Variants in KIAA1549L observed in about 807,000 individuals in gnomAD.
The protein encoded by KIAA1549L is UPF0606 protein KIAA1549L.
Under a neutral mutation model 160.7 loss-of-function variants are expected in KIAA1549L, and 88 were observed. That is an observed-to-expected ratio of 0.55 (90% confidence interval 0.46 to 0.65). KIAA1549L has a LOEUF of 0.65. Among genes scored for constraint, KIAA1549L ranks in the 30% least tolerant of loss-of-function variants. The pLI, the probability that KIAA1549L is intolerant of heterozygous loss-of-function variation, is 0.00. For synonymous variants in KIAA1549L, 950 were observed against 976.7 expected (o/e 0.97, Z 0.51); for missense variants, 2,258 against 2,437.5 (o/e 0.93, Z 1.55).
chr11:33,394,100 C>T (rs1227554583), intron 1 of KIAA1549L, among the ~76,000 whole-genome samples: 6 of 152,278 alleles, frequency 3.9e-5, no homozygotes, highest in East Asian at 3.9e-4. Context: ...TGGCTGGGCG[C>T]AATGGCTCAC....
At position 33,667,887 on chromosome 11, in the gene KIAA1549L, G is replaced by A; in HGVS notation, c.6174G>A (p.Gly2058=). 1 of 1,612,060 alleles carries A rather than the reference G, an allele frequency of 6.2e-7. No homozygotes were observed. Among genetic ancestry groups the A allele is most frequent in the Non-Finnish European group, 8.5e-7 (1 of 1,179,116 alleles). The stretch of plus-strand genomic sequence containing the variant: ...GCCCTCTGCAGGTGCCCCTCCCAGG[G>A]TACATCGAGGCCTACCCCCGATCAC... ...SQWADSVPLP[G]YIEAYPRSRY... Residue 2058 remains glycine (G), a synonymous_variant, in exon 21 of 21, where the codon GGG becomes GGA. Coordinates refer to ENST00000658780, the MANE Select transcript of KIAA1549L (RefSeq NM_012194.3).
At chr11:33,598,687 G>T in intron 12 of KIAA1549L, 133 bp from the exon 13 acceptor site, 2 of 1,123,898 alleles carry the variant, frequency 1.8e-6, no homozygotes, top group Admixed American at 2.6e-5. Flanking sequence ...TTCTTTTTCT[G>T]TATCGTTTCC....
intron 20 of KIAA1549L, among the ~76,000 whole-genome samples, chr11:33,661,642 G>C (rs1370953494): frequency 6.6e-6 from 1 of 152,190 alleles, no homozygotes; most frequent in Non-Finnish European, 1.5e-5. Context: ...CACTTTGGGA[G>C]GCTGAGGCGG....
intron 1 of KIAA1549L, among the ~76,000 whole-genome samples, chr11:33,431,341 C>G (rs1305585723): frequency 6.6e-6 from 1 of 152,162 alleles, no homozygotes; most frequent in Non-Finnish European, 1.5e-5. Context: ...CTGGCCCCAC[C>G]CACATCCTGC....
intron 1 of KIAA1549L, among the ~76,000 whole-genome samples, chr11:33,426,141 A>G (rs181488680): frequency 3.9e-5 from 6 of 152,324 alleles, no homozygotes; most frequent in South Asian, 2.1e-4. Context: ...AGTAGTTAAT[A>G]TAAATTTATC....
chr11:33,423,739 A>G (rs938432213), intron 1 of KIAA1549L, among the ~76,000 whole-genome samples: 1 of 152,234 alleles, frequency 6.6e-6, no homozygotes, highest in Admixed American at 6.5e-5. Context: ...GAAGAATTGT[A>G]ACAGAAGGCT....
chr11:33,561,054 A>G (rs1280885007), intron 7 of KIAA1549L, among the ~76,000 whole-genome samples: 1 of 152,226 alleles, frequency 6.6e-6, no homozygotes, highest in East Asian at 1.9e-4. Flanking sequence ...ATCCCTTTGC[A>G]TGTATCAACT....
chr11:33,522,300 TATC>T (rs1305532273), intron 1 of KIAA1549L, among the ~76,000 whole-genome samples: 2 of 152,230 alleles, frequency 1.3e-5, no homozygotes, highest in Non-Finnish European at 2.9e-5. Context: ...GAAATAGTGA[TATC>T]ATATTAATGG....
At chr11:33,638,439 A>AT (rs1564935612) in intron 16 of KIAA1549L, among the ~76,000 whole-genome samples, 1 of 21,010 alleles carries the variant, frequency 4.8e-5, no homozygotes, top group Non-Finnish European at 8.1e-5. Flanking sequence ...AAAAAAAATA[A>AT]ATAAATAAAT....
chr11:33,494,521 C>A (rs1852770031), intron 1 of KIAA1549L, among the ~76,000 whole-genome samples: 1 of 152,224 alleles, frequency 6.6e-6, no homozygotes, highest in Non-Finnish European at 1.5e-5. Context: ...TCCTTACTGG[C>A]AGCAAATGTA....
chr11:33,526,269 A>G (rs188788728), intron 1 of KIAA1549L, among the ~76,000 whole-genome samples: 16 of 152,326 alleles, frequency 1.1e-4, no homozygotes, highest in Middle Eastern at 3.4e-3. Context: ...AAAGAAGGAG[A>G]AAACAACAGC....
At chr11:33,564,226 A>G (rs1489594116) in intron 8 of KIAA1549L, among the ~76,000 whole-genome samples, 3 of 152,174 alleles carry the variant, frequency 2.0e-5, no homozygotes, top group African/African-American at 7.2e-5. Flanking sequence ...AACCTGCCCC[A>G]TAATTTACCA....
intron 1 of KIAA1549L, among the ~76,000 whole-genome samples, chr11:33,436,547 A>G (rs985710206): frequency 5.9e-5 from 9 of 152,200 alleles, no homozygotes; most frequent in African/African-American, 2.2e-4. Context: ...GCACAGACAC[A>G]CTCAGGAAGA....
chr11:33,612,206 G>A (rs185783918), intron 15 of KIAA1549L, among the ~76,000 whole-genome samples: 12 of 152,294 alleles, frequency 7.9e-5, no homozygotes, highest in South Asian at 2.1e-4. Flanking sequence ...TGACAACCTC[G>A]GTAAGCTCAG....
chr11:33,499,044 C>T (rs866961732), intron 1 of KIAA1549L, among the ~76,000 whole-genome samples: 1 of 151,734 alleles, frequency 6.6e-6, no homozygotes, highest in Admixed American at 6.6e-5. Context: ...CTTTTGTGCT[C>T]AGTTTTTTTT....
intron 1 of KIAA1549L, among the ~76,000 whole-genome samples, chr11:33,432,379 A>G (rs1851267703): frequency 6.6e-6 from 1 of 152,198 alleles, no homozygotes; most frequent in African/African-American, 2.4e-5. Flanking sequence ...GTTTTGGTAA[A>G]TTTTATTTGA....
chr11:33,656,019 G>T lies in KIAA1549L; in HGVS notation c.5768G>T (p.Arg1923Met). ...YQYSLPRPAY[R>M]FSQLPEMVMG... Reference sequence around the variant, plus strand: ...TGCTTGTCTCTTTCACAGGCTTACAGGTTTTCCCAGCTTCCTGAGATGGTC... The same window carrying T: ...TGCTTGTCTCTTTCACAGGCTTACATGTTTTCCCAGCTTCCTGAGATGGTC... The change falls in exon 18 of 21, where the codon AGG becomes ATG. Residue 1923 changes from arginine to methionine, a missense_variant. This residue lies in a region of KIAA1549L where 1,359 missense variants were observed against 1,546.6 expected (regional missense o/e 0.88). Transcript: ENST00000658780. The T allele has an allele frequency of 3.7e-6, 6 of 1,613,444 alleles. No homozygotes were observed. Among genetic ancestry groups the T allele is most frequent in the Non-Finnish European group, 4.2e-6 (5 of 1,179,468 alleles).
chr11:33,588,863 C>T (rs776007313), intron 11 of KIAA1549L, among the ~76,000 whole-genome samples: 4 of 152,114 alleles, frequency 2.6e-5, no homozygotes, highest in Non-Finnish European at 5.9e-5. Context: ...GTGAGTTTCT[C>T]AGGGAACTGG....
chr11:33,458,831 G>A (rs1020049924), intron 1 of KIAA1549L, among the ~76,000 whole-genome samples: 3 of 152,208 alleles, frequency 2.0e-5, no homozygotes, highest in African/African-American at 7.2e-5. Context: ...TGACCCCTGG[G>A]CTGATAGCTT....
Sources: allele counts gnomAD v4.1 joint callset (sites outside exome capture counted in the v4.1 genomes callset), GRCh38; gene constraint gnomAD v4.1.1; regional missense constraint gnomAD v4.1.1; transcripts MANE v1.5; gene names NCBI Gene and HGNC (gene_info 2026-07-23, HGNC 2026-07-21).